PPARGC1A: variants seen among roughly 807,000 people sequenced by gnomAD.
The protein encoded by PPARGC1A is PPARG coactivator 1 alpha.
Under a neutral mutation model 88.7 loss-of-function variants are expected in PPARGC1A, and 25 were observed. The ratio of observed to expected loss-of-function variants is 0.28; its 90% CI spans 0.21 to 0.39. The LOEUF (loss-of-function observed/expected upper bound fraction) is 0.39, where lower values mean the gene tolerates loss of function less well. PPARGC1A is among the 10% of genes least tolerant of loss of function. The pLI is 1.00. For synonymous variants in PPARGC1A, 363 were observed against 355.6 expected (o/e 1.02, Z -0.24); for missense variants, 880 against 968.7 (o/e 0.91, Z 1.22).
chr4:24,272,343 C>A, the PPARGC1A span, among the ~76,000 whole-genome samples: 5 of 152,020 alleles, frequency 3.3e-5, no homozygotes, highest in Admixed American at 6.6e-5. Flanking sequence ...AGTATGGATC[C>A]AGGATACACC....
intron 2 of PPARGC1A, among the ~76,000 whole-genome samples, chr4:23,835,395 T>C (rs1725821689): frequency 6.6e-6 from 1 of 152,186 alleles, no homozygotes; most frequent in Non-Finnish European, 1.5e-5. Flanking sequence ...CCACCAACTA[T>C]TTTAATTCCC....
At chr4:24,343,054 G>A in the PPARGC1A span, among the ~76,000 whole-genome samples, 1 of 152,186 alleles carries the variant, frequency 6.6e-6, no homozygotes, top group East Asian at 1.9e-4. Context: ...GGATTCATCA[G>A]GAGGGAGGGG....
the PPARGC1A span, among the ~76,000 whole-genome samples, chr4:24,140,074 G>A: frequency 6.6e-6 from 1 of 152,186 alleles, no homozygotes; most frequent in African/African-American, 2.4e-5. Context: ...AGGTCATGGG[G>A]AGAGAGGGTT....
the PPARGC1A span, among the ~76,000 whole-genome samples, chr4:24,122,446 G>GAA: frequency 6.6e-6 from 1 of 150,626 alleles, no homozygotes; most frequent in Non-Finnish European, 1.5e-5. Flanking sequence ...TAGAGAGAGA[G>GAA]AGAGAGAGAG....
At chr4:24,184,671 C>A in the PPARGC1A span, among the ~76,000 whole-genome samples, 1 of 152,190 alleles carries the variant, frequency 6.6e-6, no homozygotes, top group Admixed American at 6.5e-5. Context: ...TGGTGGCAGT[C>A]TCTCCTCCTC....
At chr4:24,265,763 G>A in the PPARGC1A span, among the ~76,000 whole-genome samples, 3 of 151,830 alleles carry the variant, frequency 2.0e-5, no homozygotes, top group Non-Finnish European at 4.4e-5. Flanking sequence ...AAACTAGGGC[G>A]AAAATTGTTC....
chr4:24,003,422 G>GA, the PPARGC1A span, among the ~76,000 whole-genome samples: 4 of 152,086 alleles, frequency 2.6e-5, no homozygotes, highest in Admixed American at 1.3e-4. Flanking sequence ...GAATTAGGAC[G>GA]AAAAAAATGT....
chr4:24,265,030 G>A, the PPARGC1A span, among the ~76,000 whole-genome samples: 1 of 152,092 alleles, frequency 6.6e-6, no homozygotes, highest in Non-Finnish European at 1.5e-5. Context: ...CATTGTATAT[G>A]TCATACAATG....
the PPARGC1A span, among the ~76,000 whole-genome samples, chr4:24,160,946 G>A: frequency 6.6e-6 from 1 of 152,102 alleles, no homozygotes; most frequent in African/African-American, 2.4e-5. Flanking sequence ...CCCAGATCCT[G>A]GAAAGATAAA....
intron 1 of PPARGC1A, among the ~76,000 whole-genome samples, chr4:23,887,573 CA>C: frequency 6.6e-6 from 1 of 152,288 alleles, no homozygotes. Flanking sequence ...GAGGATAAAG[CA>C]GTCACTAAAC....
chr4:24,117,607 G>A, the PPARGC1A span, among the ~76,000 whole-genome samples: 1 of 151,014 alleles, frequency 6.6e-6, no homozygotes, highest in African/African-American at 2.4e-5. Context: ...AACAGCACCA[G>A]GCACACAATG....
chr4:24,396,955 C>T, the PPARGC1A span, among the ~76,000 whole-genome samples: 1 of 152,150 alleles, frequency 6.6e-6, no homozygotes, highest in African/African-American at 2.4e-5. Flanking sequence ...TATTCCAAGA[C>T]TCTCAGAAAC....
chr4:24,213,445 A>T, the PPARGC1A span, among the ~76,000 whole-genome samples: 1 of 152,002 alleles, frequency 6.6e-6, no homozygotes, highest in South Asian at 2.1e-4. Flanking sequence ...GGATTACAGC[A>T]GTGAGCCACC....
the PPARGC1A span, among the ~76,000 whole-genome samples, chr4:24,467,098 GAGA>G: frequency 7.7e-6 from 1 of 130,026 alleles, no homozygotes; most frequent in African/African-American, 2.9e-5. Flanking sequence ...GAGAGAGAGA[GAGA>G]AGGAGGGAGG....
the PPARGC1A span, among the ~76,000 whole-genome samples, chr4:24,165,444 T>C: frequency 2.0e-5 from 3 of 152,220 alleles, no homozygotes; most frequent in Non-Finnish European, 2.9e-5. Context: ...AAGATACCAA[T>C]GACCTCATTT....
chr4:24,043,240 C>G, the PPARGC1A span, among the ~76,000 whole-genome samples: 25 of 152,246 alleles, frequency 1.6e-4, no homozygotes, highest in East Asian at 4.6e-3. Flanking sequence ...ACCTATGTCC[C>G]CTATCCCGAC....
At chr4:24,111,484 A>C in the PPARGC1A span, among the ~76,000 whole-genome samples, 1 of 152,208 alleles carries the variant, frequency 6.6e-6, no homozygotes, top group Non-Finnish European at 1.5e-5. Context: ...ATTGTTAATA[A>C]AAATGTTGTG....
At chr4:23,917,236 A>G in the PPARGC1A span, among the ~76,000 whole-genome samples, 1 of 152,236 alleles carries the variant, frequency 6.6e-6, no homozygotes, top group Non-Finnish European at 1.5e-5. Context: ...TAAAATGGGT[A>G]CTTACTGAGT....
At chr4:24,340,142 A>G in the PPARGC1A span, among the ~76,000 whole-genome samples, 2 of 152,236 alleles carry the variant, frequency 1.3e-5, no homozygotes, top group Non-Finnish European at 2.9e-5. Flanking sequence ...TTGCATGTAT[A>G]ATCTCAGTTT....
Sources: gnomAD v4.1 joint callset for allele counts (sites outside exome capture counted in the v4.1 genomes callset) on GRCh38, gnomAD v4.1.1 for gene constraint, MANE v1.5 for transcripts, NCBI Gene and HGNC (gene_info 2026-07-23, HGNC 2026-07-21) for gene names.